The following UST variants were observed in gnomAD, a reference collection of about 807,000 sequenced individuals.
UST encodes the protein uronyl 2-sulfotransferase, also known as chondroitin sulfate 2-O-sulfotransferase.
In UST, 21 loss-of-function variants were observed where a neutral mutation model predicts 45.6. The ratio of observed to expected loss-of-function variants is 0.46; its 90% CI spans 0.33 to 0.66. The LOEUF is 0.66. Ranked by LOEUF, UST falls within the 30% of genes least tolerant of loss-of-function variation. UST has a pLI of 0.02. For missense variants in UST, 463 were observed against 512.4 expected, an observed-to-expected ratio of 0.90 and a Z score of 0.93; for synonymous variants, 215 against 200.6, an observed-to-expected ratio of 1.07 and a Z score of -0.61.
intron 5 of UST, among the ~76,000 whole-genome samples, chr6:148,980,863 G>A (rs972200836): frequency 6.6e-6 from 1 of 151,932 alleles, no homozygotes; most frequent in Non-Finnish European, 1.5e-5. Context: ...GGGACTACAG[G>A]CACAAGCCAC....
At chr6:149,059,277 C>T (rs1288834434) in intron 7 of UST, among the ~76,000 whole-genome samples, 1 of 152,242 alleles carries the variant, frequency 6.6e-6, no homozygotes, top group Non-Finnish European at 1.5e-5. Flanking sequence ...CCCACATCAA[C>T]AGAAGCTGGG....
chr6:148,759,030 G>A (rs1776151742), intron 1 of UST, among the ~76,000 whole-genome samples: 1 of 152,178 alleles, frequency 6.6e-6, no homozygotes. Context: ...CCGACAATAA[G>A]TCAGTTGTCG....
At chr6:149,071,714 A>T (rs999454453) in intron 7 of UST, among the ~76,000 whole-genome samples, 1 of 152,200 alleles carries the variant, frequency 6.6e-6, no homozygotes, top group Non-Finnish European at 1.5e-5. Flanking sequence ...ATATTTGTAA[A>T]TTATATACCT....
At chr6:148,842,646 G>C (rs1005375136) in intron 1 of UST, among the ~76,000 whole-genome samples, 1 of 152,184 alleles carries the variant, frequency 6.6e-6, no homozygotes, top group Non-Finnish European at 1.5e-5. Flanking sequence ...AGCAAAGTGG[G>C]AATATTATTT....
chr6:148,756,344 C>T (rs559545146), intron 1 of UST, among the ~76,000 whole-genome samples: 1 of 152,288 alleles, frequency 6.6e-6, no homozygotes, highest in Admixed American at 6.5e-5. Context: ...CCATGTGGAA[C>T]TGTGAGTCAA....
At chr6:148,751,517 A>G (rs1001971365) in intron 1 of UST, among the ~76,000 whole-genome samples, 3 of 152,180 alleles carry the variant, frequency 2.0e-5, no homozygotes, top group African/African-American at 7.2e-5. Flanking sequence ...CAATTTGGGG[A>G]AAGGCAGAGT....
intron 5 of UST, among the ~76,000 whole-genome samples, chr6:148,982,600 C>T (rs1781161275): frequency 6.6e-6 from 1 of 152,146 alleles, no homozygotes; most frequent in South Asian, 2.1e-4. Context: ...AGTTTCTACC[C>T]AGGGCACAGA....
intron 1 of UST, among the ~76,000 whole-genome samples, chr6:148,800,999 A>G (rs976792184): frequency 6.6e-6 from 1 of 152,176 alleles, no homozygotes; most frequent in African/African-American, 2.4e-5. Flanking sequence ...TCAAAGAGCA[A>G]CTTTTTTGAC....
chr6:148,818,493 A>G (rs1777396878), intron 1 of UST, among the ~76,000 whole-genome samples: 1 of 152,350 alleles, frequency 6.6e-6, no homozygotes, highest in Admixed American at 6.5e-5. Flanking sequence ...CTTGGCTTTG[A>G]TAATTAAGCT....
At chr6:149,063,984 ACT>A (rs1165130030) in intron 7 of UST, among the ~76,000 whole-genome samples, 1 of 152,092 alleles carries the variant, frequency 6.6e-6, no homozygotes, top group Non-Finnish European at 1.5e-5. Context: ...CAGAATCTAT[ACT>A]CTCAGACGTG....
chr6:148,760,921 C>T (rs1181619670), intron 1 of UST, among the ~76,000 whole-genome samples: 2 of 152,150 alleles, frequency 1.3e-5, no homozygotes, highest in Non-Finnish European at 2.9e-5. Context: ...GTTTTGATTC[C>T]CTTACACATC....
intron 2 of UST, among the ~76,000 whole-genome samples, chr6:148,911,695 A>G (rs193118706): frequency 1.3e-5 from 2 of 151,002 alleles, no homozygotes; most frequent in Non-Finnish European, 2.9e-5. Context: ...GAAACAGAAG[A>G]TAGAAAGTAA....
chr6:148,869,107 C>T (rs937115081), intron 1 of UST, among the ~76,000 whole-genome samples: 3 of 152,220 alleles, frequency 2.0e-5, no homozygotes, highest in Non-Finnish European at 4.4e-5. Context: ...GCCATACTCA[C>T]ATTCTTCCCC....
Position 148,899,168 on chromosome 6 carries a change from C to T in UST, c.291+12139C>T, listed in dbSNP as rs372368901. Among the ~76,000 whole-genome samples, 6 of 133,030 alleles carry T rather than the reference C, an allele frequency of 4.5e-5. No homozygotes were observed. In the East Asian group the frequency reaches 1.3e-3, roughly 29 times the overall value. The allele number at this position is 133,030 out of a possible 152,430, so 87.3% of individuals were successfully genotyped here. A position where few individuals can be genotyped will look rare whatever the true frequency, so the allele number is the denominator to read the frequency against. On this transcript the variant is annotated intron_variant, in intron 2 of 7. Transcript: ENST00000367463. ...AGGCTGGAGTGCAGTGGCAGGATCT[C>T]GGCTCACTGCAAGCTCCGCCTCCCG...
At chr6:148,955,516 C>G (rs1483770980) in intron 4 of UST, 2 of 152,240 alleles carry the variant, frequency 1.3e-5, no homozygotes, top group African/African-American at 4.8e-5. Context: ...AATCCAGGGC[C>G]AGGTGCTGGG....
intron 7 of UST, among the ~76,000 whole-genome samples, chr6:149,039,161 C>A (rs1040776785): frequency 6.6e-6 from 1 of 152,122 alleles, no homozygotes; most frequent in Non-Finnish European, 1.5e-5. Context: ...TACAGAGAGC[C>A]ACATGTATTA....
chr6:148,761,726 G>C (rs1236396734), intron 1 of UST, among the ~76,000 whole-genome samples: 1 of 152,198 alleles, frequency 6.6e-6, no homozygotes, highest in East Asian at 1.9e-4. Context: ...CGGGGATTGT[G>C]GTGTGGTCAC....
intron 7 of UST, among the ~76,000 whole-genome samples, chr6:149,048,561 C>A (rs1309399005): frequency 2.0e-5 from 3 of 149,816 alleles, no homozygotes; most frequent in Non-Finnish European, 4.4e-5. Context: ...GAGAGAGAGA[C>A]ACAGTAAAGA....
chr6:148,821,530 G>A lies in UST; in HGVS notation c.248-65456G>A, dbSNP rs74484131. ...CCAAGTTTCTACATGATAAATTCAA[G>A]TAACAAGTATTTGGTGCTTAGTAAC... is the stretch of plus-strand genomic sequence containing the variant. On this transcript the variant is annotated intron_variant, in intron 1 of 7. Coordinates refer to ENST00000367463, the MANE Select transcript of UST (RefSeq NM_005715.3). Among the ~76,000 whole-genome samples the A allele has an allele frequency of 3.0e-3, 456 of 152,296 alleles. 3 individuals carry two copies. Among genetic ancestry groups the A allele is most frequent in the African/African-American group, 0.01 (434 of 41,566 alleles).
Sources: gnomAD v4.1 joint callset for allele counts (sites outside exome capture counted in the v4.1 genomes callset) on GRCh38, gnomAD v4.1.1 for gene constraint, MANE v1.5 for transcripts, NCBI Gene and HGNC (gene_info 2026-07-23, HGNC 2026-07-21) for gene names.